FOCAD: variants seen among roughly 807,000 people sequenced by gnomAD.
The protein encoded by FOCAD is KIAA1797.
In FOCAD, 198 loss-of-function variants were observed where a neutral mutation model predicts 225.6. The observed-to-expected ratio is 0.88, with a 90% CI of 0.78 to 0.99. The LOEUF (loss-of-function observed/expected upper bound fraction) is 0.99. Ranked by LOEUF, FOCAD falls within the 50% of genes least tolerant of loss-of-function variation. The pLI is 0.00. For synonymous variants in FOCAD, 897 were observed against 755.0 expected, an observed-to-expected ratio of 1.19 and a Z score of -3.08; for missense variants, 2,713 against 2,123.6, an observed-to-expected ratio of 1.28 and a Z score of -5.46.
intron 36 of FOCAD, 29 bp from the exon 37 acceptor site, chr9:20,978,310 T>C: frequency 1.4e-6 from 2 of 1,458,808 alleles, no homozygotes; most frequent in Non-Finnish European, 9.4e-7. Context: ...TAACTATATA[T>C]TCAATTCTTT....
At chr9:20,798,396 T>G (rs1011934096) in intron 11 of FOCAD, among the ~76,000 whole-genome samples, 3 of 152,128 alleles carry the variant, frequency 2.0e-5, no homozygotes, top group African/African-American at 2.4e-5. Context: ...CTTTTTCTAT[T>G]GATTGGAATA....
At chr9:20,681,860 A>G (rs993658012), upstream of FOCAD, among the ~76,000 whole-genome samples, 7 of 152,212 alleles carry the variant, frequency 4.6e-5, no homozygotes, top group Non-Finnish European at 8.8e-5. Context: ...AAGCAGTCAA[A>G]TCGGTTCTAG....
At chr9:20,791,763 G>A (rs1212828050) in intron 11 of FOCAD, among the ~76,000 whole-genome samples, 1 of 152,168 alleles carries the variant, frequency 6.6e-6, no homozygotes, top group Non-Finnish European at 1.5e-5. Flanking sequence ...ATAGAAGTAG[G>A]TGAAGTATCA....
intron 34 of FOCAD, among the ~76,000 whole-genome samples, chr9:20,951,427 A>G (rs758634258): frequency 1.3e-5 from 2 of 152,204 alleles, no homozygotes. Context: ...TGGCTCGGAA[A>G]GATTACATGA....
At chr9:20,663,455 A>G (rs1379759640) in intron 2 of FOCAD, among the ~76,000 whole-genome samples, 1 of 147,228 alleles carries the variant, frequency 6.8e-6, no homozygotes, top group African/African-American at 2.5e-5. Context: ...TACCTACTAC[A>G]TGTATGCATG....
At chr9:20,935,443 T>C (rs377656413) in intron 28 of FOCAD, among the ~76,000 whole-genome samples, 7 of 152,148 alleles carry the variant, frequency 4.6e-5, no homozygotes, top group African/African-American at 1.7e-4. Context: ...TCTTATTGCC[T>C]AGGCTGGAGT....
chr9:20,725,585 C>G (rs1047874204), intron 4 of FOCAD, among the ~76,000 whole-genome samples: 2 of 152,200 alleles, frequency 1.3e-5, no homozygotes, highest in Non-Finnish European at 2.9e-5. Context: ...ATGTGCCCAT[C>G]TCTTCCAGCC....
chr9:20,933,057 T>G lies in FOCAD; in HGVS notation c.3361T>G (p.Leu1121Val). The part of the protein sequence containing the change: ...QEMNLLLMKS[L>V]DALENCCFDT... ...GATGAACCTTCTTCTGATGAAGTCG[T>G]TGGATGCCCTGGAAAATTGCTGCTT... The change falls in exon 28 of 44, where the codon TTG becomes GTG. Residue 1121 changes from leucine (L) to valine (V), a missense_variant. Transcript: ENST00000338382. 1 of 1,614,056 alleles carries G rather than the reference T, an allele frequency of 6.2e-7. No individual in the cohort carries two copies. Among genetic ancestry groups the G allele is most frequent in the Non-Finnish European group, 8.5e-7 (1 of 1,179,922 alleles).
intron 11 of FOCAD, among the ~76,000 whole-genome samples, chr9:20,800,495 T>C (rs1821677067): frequency 6.6e-6 from 1 of 152,186 alleles, no homozygotes; most frequent in Admixed American, 6.5e-5. Context: ...CAATCAGATG[T>C]AAATTTGGTC....
chr9:20,846,458 GC>G (rs562732521), intron 15 of FOCAD, among the ~76,000 whole-genome samples: 154 of 152,148 alleles, frequency 1.0e-3, no homozygotes, highest in African/African-American at 3.6e-3. Flanking sequence ...GCAGCCAAAA[GC>G]CCACTACGTA....
chr9:20,890,271 T>A (rs1831499231), intron 21 of FOCAD, among the ~76,000 whole-genome samples: 1 of 152,050 alleles, frequency 6.6e-6, no homozygotes, highest in African/African-American at 2.4e-5. Context: ...GGGGAAAATA[T>A]TCAGTGTTTC....
At chr9:20,831,717 A>G (rs968190896) in intron 15 of FOCAD, among the ~76,000 whole-genome samples, 5 of 152,044 alleles carry the variant, frequency 3.3e-5, no homozygotes, top group African/African-American at 7.2e-5. Flanking sequence ...GATATAATTC[A>G]TAAATATACA....
intron 21 of FOCAD, among the ~76,000 whole-genome samples, chr9:20,889,776 A>C (rs943834998): frequency 6.6e-6 from 1 of 152,166 alleles, no homozygotes; most frequent in Non-Finnish European, 1.5e-5. Context: ...AACCACAAAA[A>C]AGTTTGCTGA....
chr9:20,731,014 T>A (rs1039266934), intron 4 of FOCAD, among the ~76,000 whole-genome samples: 8 of 152,162 alleles, frequency 5.3e-5, no homozygotes, highest in Non-Finnish European at 1.2e-4. Flanking sequence ...GGCGGGCAGA[T>A]CACCTGAGGT....
At chr9:20,954,399 T>G (rs946465703) in intron 35 of FOCAD, among the ~76,000 whole-genome samples, 1 of 152,182 alleles carries the variant, frequency 6.6e-6, no homozygotes, top group East Asian at 1.9e-4. Context: ...CTTATTGATA[T>G]GAAATTTTAA....
intron 26 of FOCAD, 166 bp from the exon 27 acceptor site, chr9:20,929,192 C>A: frequency 1.8e-6 from 1 of 561,172 alleles, no homozygotes; most frequent in Non-Finnish European, 3.1e-6. Context: ...ATAATGAAAA[C>A]ATAATCTATA....
At chr9:20,898,362 T>C (rs1832279006) in intron 21 of FOCAD, among the ~76,000 whole-genome samples, 1 of 151,782 alleles carries the variant, frequency 6.6e-6, no homozygotes, top group Non-Finnish European at 1.5e-5. Context: ...TCCTATTATG[T>C]GTATGTTATA....
intron 5 of FOCAD, among the ~76,000 whole-genome samples, chr9:20,757,104 T>C (rs528424753): frequency 1.3e-5 from 2 of 152,232 alleles, no homozygotes; most frequent in Admixed American, 6.5e-5. Flanking sequence ...TAATTTTGTA[T>C]TTTTAGTAGA....
At chr9:20,797,907 G>A (rs1203440044) in intron 11 of FOCAD, among the ~76,000 whole-genome samples, 4 of 152,102 alleles carry the variant, frequency 2.6e-5, no homozygotes, top group Non-Finnish European at 4.4e-5. Context: ...GTGAGAGAGG[G>A]TATCCTTGTC....
Sources: gnomAD v4.1 joint callset for allele counts (sites outside exome capture counted in the v4.1 genomes callset) on GRCh38, gnomAD v4.1.1 for gene constraint, MANE v1.5 for transcripts, NCBI Gene and HGNC (gene_info 2026-07-23, HGNC 2026-07-21) for gene names.